The following MYOM2 variants were observed in gnomAD, a reference collection of about 807,000 sequenced individuals.
MYOM2 encodes the protein myomesin-2.
MYOM2 carries 254 observed loss-of-function variants against 187.6 expected under a neutral mutation model. The observed-to-expected ratio is 1.35, with a 90% CI of 1.22 to 1.50. The LOEUF is 1.50. Among genes scored for constraint, MYOM2 ranks in the 40% most tolerant of loss-of-function variants. The probability of loss-of-function intolerance (pLI) is 0.00; values close to 1 mark genes in which losing one functional copy is unlikely to be tolerated. For missense variants in MYOM2, 2,796 were observed against 1,924.0 expected, an observed-to-expected ratio of 1.45 and a Z score of -8.48; for synonymous variants, 981 against 753.8, an observed-to-expected ratio of 1.30 and a Z score of -4.94.
Position 2,090,090 on chromosome 8 carries a change from T to C in MYOM2, c.1727T>C (p.Met576Thr), listed in dbSNP as rs766576592. The change falls in exon 15 of 37, where the codon ATG becomes ACG. Residue 576 changes from methionine (M) to threonine (T), a missense_variant. Coordinates refer to ENST00000262113, the MANE Select transcript of MYOM2 (RefSeq NM_003970.4). ...RSPRYAVFDL[M>T]EGKSYVFRVL... The stretch of plus-strand genomic sequence containing the variant: ...CCGAGATATGCCGTGTTTGACCTCA[T>C]GGAAGGGAAGTCTTATGTGTTCCGA... 1.9e-6 allele frequency: 3 copies of C among 1,613,484 alleles called. No individual in the cohort carries two copies. Among genetic ancestry groups the C allele is most frequent in the Admixed American group, 1.7e-5 (1 of 59,924 alleles).
In MYOM2 at chr8:2,129,128, G is replaced by A. The variant is rs765602240; in HGVS notation, c.3696G>A (p.Gly1232=). ...CTGAGGATGTTTTATTTTCTGCAGG[G>A]AAATCTGCTTCGCCACTGAAGGTAC... ...DMILAMSRVC[G]KSASPLKVLC... is the part of the protein sequence containing the mutation. Residue 1232 remains glycine, a splice_region_variant and synonymous_variant, in exon 32 of 37, where the codon GGG becomes GGA. Transcript: ENST00000262113. 1.1e-5 allele frequency: 17 copies of A among 1,599,436 alleles called. No homozygotes were observed. Among genetic ancestry groups the A allele is most frequent in the African/African-American group, 9.4e-5 (7 of 74,714 alleles).
chr8:2,087,156 G>A (rs1796121396), intron 14 of MYOM2, among the ~76,000 whole-genome samples: 1 of 152,192 alleles, frequency 6.6e-6, no homozygotes, highest in Non-Finnish European at 1.5e-5. Context: ...GCCATAGTTG[G>A]ATAAGACTCC....
chr8:2,131,444 G>C (rs1418129756), intron 32 of MYOM2, among the ~76,000 whole-genome samples: 2 of 151,654 alleles, frequency 1.3e-5, no homozygotes, highest in African/African-American at 4.9e-5. Flanking sequence ...GAAGAGGGTG[G>C]GTCCTAGATA....
intron 13 of MYOM2, among the ~76,000 whole-genome samples, chr8:2,082,581 T>C (rs1723957244): frequency 6.6e-6 from 1 of 152,228 alleles, no homozygotes; most frequent in Non-Finnish European, 1.5e-5. Flanking sequence ...TGAATGGCTA[T>C]CCATGCGCTT....
At chr8:2,064,458 G>T (rs1001834494) in intron 6 of MYOM2, among the ~76,000 whole-genome samples, 3 of 152,218 alleles carry the variant, frequency 2.0e-5, no homozygotes, top group Admixed American at 6.5e-5. Flanking sequence ...GTCGTCAGTG[G>T]GTCGGGATCT....
intron 1 of MYOM2, among the ~76,000 whole-genome samples, chr8:2,046,474 G>T (rs995930376): frequency 6.6e-6 from 1 of 152,188 alleles, no homozygotes; most frequent in Non-Finnish European, 1.5e-5. Context: ...CCCTACCGGT[G>T]ACCCGGGCAA....
At chr8:2,107,023 G>A (rs3817711) in intron 23 of MYOM2, among the ~76,000 whole-genome samples, 103,089 of 151,980 alleles carry the variant, frequency 0.68, 35,781 homozygotes, top group African/African-American at 0.83. Context: ...TTTAACTGAC[G>A]AAGTGAAAAT....
Position 2,057,796 on chromosome 8 carries a change from C to T in MYOM2, c.560+16C>T, listed in dbSNP as rs200802459. On this transcript the variant is annotated intron_variant, in intron 5 of 36. Coordinates refer to ENST00000262113, the MANE Select transcript of MYOM2 (RefSeq NM_003970.4). ...TGGTGCAGTGGTGAGGGGCTCTGTTCCCAGGGGGTGAAGAAGTCCATTCTG... is the reference window on the plus strand; with the variant it reads ...TGGTGCAGTGGTGAGGGGCTCTGTTTCCAGGGGGTGAAGAAGTCCATTCTG... 63 of 1,609,436 alleles carry T rather than the reference C, an allele frequency of 3.9e-5. No homozygotes were observed. The highest frequency in any genetic ancestry group is 1.1e-5 in the South Asian group (1 of 90,810).
At chr8:2,144,119 A>G (rs991771662) in intron 36 of MYOM2, among the ~76,000 whole-genome samples, 1 of 152,250 alleles carries the variant, frequency 6.6e-6, no homozygotes, top group African/African-American at 2.4e-5. Flanking sequence ...ATGGAAGCCT[A>G]GAGAGCTCTT....
chr8:2,076,567 T>A (rs1819430400), intron 11 of MYOM2: 1 of 397,058 alleles, frequency 2.5e-6, no homozygotes, highest in Non-Finnish European at 4.5e-6. Flanking sequence ...TCAGGCTCAC[T>A]CTGAGCCCCG....
At chr8:2,065,528 C>T (rs2129332048) in intron 6 of MYOM2, among the ~76,000 whole-genome samples, 1 of 152,282 alleles carries the variant, frequency 6.6e-6, no homozygotes, top group East Asian at 1.9e-4. Context: ...CAAGATCACG[C>T]CACTGCACTT....
intron 5 of MYOM2, 62 bp downstream of exon 5, chr8:2,057,842 C>A: frequency 6.4e-7 from 1 of 1,563,096 alleles, no homozygotes; most frequent in Non-Finnish European, 8.7e-7. Context: ...CAGAAAGACC[C>A]CAGTTAAGGA....
intron 25 of MYOM2, among the ~76,000 whole-genome samples, 182 bp downstream of exon 25, chr8:2,109,713 G>T (rs1340505713): frequency 2.6e-5 from 4 of 152,202 alleles, no homozygotes; most frequent in Non-Finnish European, 1.5e-5. Flanking sequence ...CAAAGGTTTG[G>T]TCTGGGTTAC....
At position 2,084,628 on chromosome 8, in the gene MYOM2, G is replaced by C. The variant is rs561244109; in HGVS notation, c.1517-635G>C. On this transcript the variant is annotated intron_variant, in intron 13 of 36. Coordinates refer to ENST00000262113, the MANE Select transcript of MYOM2 (RefSeq NM_003970.4). ...TAAAAAAGATGTATGTCAGAAGAGA[G>C]GCATATGGAGCATCTCTGACTGCAA... 5.3e-5 allele frequency among the ~76,000 whole-genome samples: 8 copies of C among 152,270 alleles called. 1 individual carries two copies. In the South Asian group the frequency reaches 1.2e-3, roughly 24 times the overall value.
At chr8:2,066,776 C>T (rs932637381) in intron 6 of MYOM2, among the ~76,000 whole-genome samples, 8 of 152,160 alleles carry the variant, frequency 5.3e-5, no homozygotes, top group Non-Finnish European at 1.0e-4. Context: ...TGGAGAAAGC[C>T]TCTACTTATG....
intron 1 of MYOM2, among the ~76,000 whole-genome samples, chr8:2,047,047 C>G (rs1190980897): frequency 6.6e-6 from 1 of 152,174 alleles, no homozygotes; most frequent in East Asian, 1.9e-4. Context: ...TTGAGTTGCT[C>G]AACCAGTAAG....
intron 3 of MYOM2, 42 bp from the exon 4 acceptor site, chr8:2,057,306 T>C (rs1245204037): frequency 2.5e-6 from 4 of 1,572,112 alleles, no homozygotes; most frequent in Non-Finnish European, 8.6e-7. Flanking sequence ...CGTGGTTTTC[T>C]TCGTGACTCC....
At chr8:2,082,129 C>T (rs183288317) in intron 13 of MYOM2, 4 of 152,306 alleles carry the variant, frequency 2.6e-5, no homozygotes, top group East Asian at 1.9e-4. Flanking sequence ...AGTTCTCTGA[C>T]GTGACGCTTT....
chr8:2,059,570 C>G (rs936334561), intron 6 of MYOM2, among the ~76,000 whole-genome samples: 1 of 152,084 alleles, frequency 6.6e-6, no homozygotes, highest in African/African-American at 2.4e-5. Flanking sequence ...GAAACACACC[C>G]TAAGTTCAGA....
Sources: allele counts gnomAD v4.1 joint callset (sites outside exome capture counted in the v4.1 genomes callset), GRCh38; gene constraint gnomAD v4.1.1; transcripts MANE v1.5; gene names NCBI Gene and HGNC (gene_info 2026-07-23, HGNC 2026-07-21).